CBR4: variants seen among roughly 807,000 people sequenced by gnomAD.
CBR4 encodes the protein carbonyl reductase 4, also known as 3-oxoacyl-[acyl-carrier-protein] reductase.
In CBR4, 22 loss-of-function variants were observed where a neutral mutation model predicts 21.0. That is an observed-to-expected ratio of 1.05 (90% CI 0.75 to 1.50). CBR4 has a LOEUF of 1.50. Among genes scored for constraint, CBR4 ranks in the 40% most tolerant of loss-of-function variants. The probability of loss-of-function intolerance (pLI) is 0.00; values close to 1 mark genes in which losing one functional copy is unlikely to be tolerated. For synonymous variants in CBR4, 100 were observed against 104.4 expected, an observed-to-expected ratio of 0.96 and a Z score of 0.26; for missense variants, 302 against 286.3, an observed-to-expected ratio of 1.05 and a Z score of -0.40.
intron 2 of CBR4, among the ~76,000 whole-genome samples, chr4:168,897,099 G>C (rs1358900041): frequency 1.3e-5 from 2 of 152,176 alleles, no homozygotes; most frequent in Admixed American, 6.5e-5. Flanking sequence ...CCAAAGCGCT[G>C]GGAATACGGC....
At chr4:168,990,713 T>C (rs1047636502) in intron 4 of CBR4, among the ~76,000 whole-genome samples, 1 of 149,236 alleles carries the variant, frequency 6.7e-6, no homozygotes. Flanking sequence ...TGAGCCACCA[T>C]ACCCACCCTA....
At chr4:168,903,020 A>G (rs1756883783) in intron 2 of CBR4, among the ~76,000 whole-genome samples, 1 of 152,094 alleles carries the variant, frequency 6.6e-6, no homozygotes, top group Non-Finnish European at 1.5e-5. Context: ...CAGCCTCCCA[A>G]AGTGCTGGGA....
At chr4:168,901,132 A>ATTCTCCTTC (rs1434911112) in intron 2 of CBR4, among the ~76,000 whole-genome samples, 1 of 151,884 alleles carries the variant, frequency 6.6e-6, no homozygotes, top group African/African-American at 2.4e-5. Flanking sequence ...CTCAACCTTC[A>ATTCTCCTTC]TTCTCCTTCT....
chr4:169,001,583 C>T (rs1157775983), intron 4 of CBR4: 2 of 152,312 alleles, frequency 1.3e-5, no homozygotes, highest in African/African-American at 4.8e-5. Flanking sequence ...GAGGCGGATT[C>T]CTCATGAATA....
intron 2 of CBR4, among the ~76,000 whole-genome samples, chr4:168,957,921 G>A (rs1474125999): frequency 6.6e-6 from 1 of 152,138 alleles, no homozygotes; most frequent in Non-Finnish European, 1.5e-5. Flanking sequence ...CCTACACTCA[G>A]CACTTCTTGC....
intron 2 of CBR4, among the ~76,000 whole-genome samples, chr4:168,905,961 G>T (rs150800436): frequency 9.5e-4 from 144 of 151,694 alleles, no homozygotes; most frequent in African/African-American, 3.2e-3. Flanking sequence ...TAATAGAGAC[G>T]GGGTTTCACC....
At position 168,987,916 on chromosome 4, in the gene CBR4, G is replaced by A; in HGVS notation, c.*2234C>T. 1 of 982,866 alleles carries A rather than the reference G, an allele frequency of 1.0e-6. No homozygotes were observed. The highest frequency in any genetic ancestry group is 4.7e-5 in the South Asian group (1 of 21,234). The allele number at this position is 982,866 out of a possible 1,614,324, so 60.9% of individuals were successfully genotyped here. A position where few individuals can be genotyped will look rare whatever the true frequency, so the allele number is the denominator to read the frequency against. ...GAGCACAAATTTTAAAGCCCTCCAT[G>A]CAAAAAAAAATTAATACATTGGCTT... On this transcript the variant is annotated 3_prime_UTR_variant, in exon 5 of 5. Coordinates refer to ENST00000306193, the MANE Select transcript of CBR4 (RefSeq NM_032783.5).
In CBR4 at chr4:168,988,788, G is replaced by A. The variant is rs1370594855; in HGVS notation, c.*1362C>T. 3 of 957,386 alleles carry A rather than the reference G, an allele frequency of 3.1e-6. No homozygotes were observed. Among genetic ancestry groups the A allele is most frequent in the Middle Eastern group, 5.3e-4 (1 of 1,872 alleles). 59.3% of individuals were successfully genotyped at this position (957,386 alleles called of 1,614,324 possible). On this transcript the variant is annotated 3_prime_UTR_variant, in exon 5 of 5. Coordinates refer to ENST00000306193, the MANE Select transcript of CBR4 (RefSeq NM_032783.5). ...AAGATAAATTTAAAATAATTTTTAA[G>A]GAACCCAGAATTTTTATTTAGAACA...
intron 2 of CBR4, chr4:168,896,702 A>G (rs1755257133): frequency 2.9e-6 from 2 of 692,532 alleles, no homozygotes; most frequent in East Asian, 2.7e-5. Context: ...CCATATATTA[A>G]TTATAAATGC....
intron 2 of CBR4, among the ~76,000 whole-genome samples, chr4:168,941,938 T>C (rs1763275311): frequency 6.6e-6 from 1 of 152,166 alleles, no homozygotes; most frequent in Admixed American, 6.5e-5. Flanking sequence ...CACATGTATG[T>C]TTACTGCAGC....
intron 2 of CBR4, chr4:168,928,256 G>GA (rs1488821232): frequency 5.5e-6 from 1 of 182,832 alleles, no homozygotes; most frequent in Admixed American, 6.3e-5. Context: ...TTCTGAATGT[G>GA]ACCTTTTTTT....
At chr4:168,957,311 C>CA in intron 2 of CBR4, among the ~76,000 whole-genome samples, 1 of 152,156 alleles carries the variant, frequency 6.6e-6, no homozygotes, top group African/African-American at 2.4e-5. Context: ...ATCGCTTTGA[C>CA]AAACATCACA....
chr4:168,990,334 A>G lies in CBR4; in HGVS notation c.536-6T>C, dbSNP rs1764852128. 6.3e-7 allele frequency: 1 copy of G among 1,584,958 alleles called. No homozygotes were observed. ...CATATCTGTGTGTACAAATCCTAAA[A>G]GAGAAATGTTTGTTTAGTTGAAAAG... On this transcript the variant is annotated splice_polypyrimidine_tract_variant and splice_region_variant and intron_variant, in intron 4 of 4. Transcript: ENST00000306193.
At chr4:168,979,063 C>T (rs997464096) in intron 2 of CBR4, among the ~76,000 whole-genome samples, 1 of 151,734 alleles carries the variant, frequency 6.6e-6, no homozygotes, top group Admixed American at 6.6e-5. Flanking sequence ...GCATAGCATG[C>T]CTTGCAGAAA....
At chr4:168,947,364 TC>T (rs1763421048) in intron 2 of CBR4, among the ~76,000 whole-genome samples, 1 of 152,138 alleles carries the variant, frequency 6.6e-6, no homozygotes, top group African/African-American at 2.4e-5. Context: ...TTCCGTATGT[TC>T]CTCTGTCCTC....
At position 168,988,733 on chromosome 4, in the gene CBR4, T is replaced by A; in HGVS notation, c.*1417A>T. The A allele has an allele frequency of 7.2e-6, 7 of 969,520 alleles. No individual in the cohort carries two copies. The highest frequency in any genetic ancestry group is 5.3e-4 in the Middle Eastern group (1 of 1,878). 60.1% of individuals were successfully genotyped at this position (969,520 alleles called of 1,614,324 possible). A position where few individuals can be genotyped will look rare whatever the true frequency, so the allele number is the denominator to read the frequency against. On this transcript the variant is annotated 3_prime_UTR_variant, in exon 5 of 5. Transcript: ENST00000306193. ...CTCACACTTAATTGACTTTCTCATA[T>A]CCTGAGATTAATCTAAGAAAACTAT...
intron 2 of CBR4, chr4:168,913,980 T>G (rs1582136312): frequency 6.2e-7 from 1 of 1,613,150 alleles, no homozygotes; most frequent in Non-Finnish European, 8.5e-7. Flanking sequence ...ACCAAAGAGG[T>G]CGAAGTCCCC....
At chr4:168,960,173 T>G (rs1763805496) in intron 2 of CBR4, among the ~76,000 whole-genome samples, 1 of 152,240 alleles carries the variant, frequency 6.6e-6, no homozygotes, top group African/African-American at 2.4e-5. Context: ...CTCTCTGTCT[T>G]TGGTACAATT....
intron 2 of CBR4, among the ~76,000 whole-genome samples, chr4:168,909,156 A>G (rs986756385): frequency 6.6e-6 from 1 of 152,204 alleles, no homozygotes; most frequent in Non-Finnish European, 1.5e-5. Context: ...CTCTAATCCT[A>G]TCTTTAAGAA....
Sources: gnomAD v4.1 joint callset for allele counts (sites outside exome capture counted in the v4.1 genomes callset) on GRCh38, gnomAD v4.1.1 for gene constraint, MANE v1.5 for transcripts, NCBI Gene and HGNC (gene_info 2026-07-23, HGNC 2026-07-21) for gene names.